Variants in RPH3AL observed in about 807,000 individuals in gnomAD.
RPH3AL encodes the protein rab effector Noc2.
In RPH3AL, 38 loss-of-function variants were observed where a neutral mutation model predicts 43.1. That is an observed-to-expected ratio of 0.88 (90% CI 0.68 to 1.15). RPH3AL has a LOEUF of 1.15. RPH3AL is among the 50% of genes most tolerant of loss of function. The pLI is 0.00. For missense variants in RPH3AL, 462 were observed against 423.2 expected (o/e 1.09, Z -0.81); for synonymous variants, 189 against 176.3 (o/e 1.07, Z -0.57).
At chr17:314,734 T>TGC (rs2043845930) in intron 5 of RPH3AL, among the ~76,000 whole-genome samples, 1 of 143,890 alleles carries the variant, frequency 6.9e-6, no homozygotes. Flanking sequence ...TGACCTGTAG[T>TGC]CTCTGTGCTC....
At chr17:329,302 G>A (rs1244649114) in intron 2 of RPH3AL, among the ~76,000 whole-genome samples, 4 of 152,122 alleles carry the variant, frequency 2.6e-5, no homozygotes, top group South Asian at 2.1e-4. Context: ...GTGAAACCCC[G>A]CCTCTACTAA....
At chr17:219,771 C>T (rs761575041) in intron 7 of RPH3AL, 35 bp from the exon 8 acceptor site, 33 of 1,509,500 alleles carry the variant, frequency 2.2e-5, no homozygotes, top group South Asian at 1.8e-4. Context: ...GGAGGTCACC[C>T]GACCAGCCCC....
At chr17:315,781 T>A in intron 5 of RPH3AL, among the ~76,000 whole-genome samples, 1 of 80,158 alleles carries the variant, frequency 1.2e-5, no homozygotes, top group East Asian at 4.4e-4. Context: ...CGTGACCCCA[T>A]CTCTATTGAC....
chr17:225,357 G>A lies in RPH3AL; in HGVS notation c.614-5621C>T, dbSNP rs2041085018. 6.6e-6 allele frequency among the ~76,000 whole-genome samples: 1 copy of A among 152,152 alleles called. No individual in the cohort carries two copies. The highest frequency in any genetic ancestry group is 1.5e-5 in the Non-Finnish European group (1 of 68,020). ...TGCCTTATTTTGCAGTTGTTTTTCG[G>A]GTCCTGGACTGAGCTGCTTTGATCA... On this transcript the variant is annotated intron_variant, in intron 7 of 9. Coordinates refer to ENST00000331302, the MANE Select transcript of RPH3AL (RefSeq NM_006987.4). The surrounding 1 kb of genome is among the most constrained non-coding windows in gnomAD (Gnocchi z 4.4).
At chr17:214,190 C>A (rs955700202) in intron 9 of RPH3AL, among the ~76,000 whole-genome samples, 2 of 152,212 alleles carry the variant, frequency 1.3e-5, no homozygotes, top group African/African-American at 2.4e-5. Context: ...CCGGAAGGAG[C>A]AAATGGGCAC....
At chr17:286,846 C>T (rs1366233108) in intron 5 of RPH3AL, among the ~76,000 whole-genome samples, 1 of 152,132 alleles carries the variant, frequency 6.6e-6, no homozygotes, top group Non-Finnish European at 1.5e-5. Flanking sequence ...GGGTGTTAAA[C>T]GATGAAGCTT....
chr17:227,318 G>T (rs1274943424), intron 7 of RPH3AL, among the ~76,000 whole-genome samples: 1 of 148,920 alleles, frequency 6.7e-6, no homozygotes, highest in Non-Finnish European at 1.5e-5. Flanking sequence ...GCAGGGTTTT[G>T]GTACACGGAG....
At chr17:315,837 C>A (rs1555519010) in intron 5 of RPH3AL, among the ~76,000 whole-genome samples, 1 of 74,968 alleles carries the variant, frequency 1.3e-5, no homozygotes, top group African/African-American at 4.4e-5. Flanking sequence ...GTCCCTGTGC[C>A]CCCACCTCCA....
intron 5 of RPH3AL, among the ~76,000 whole-genome samples, chr17:296,810 TG>T (rs2043191750): frequency 6.6e-6 from 1 of 152,200 alleles, no homozygotes; most frequent in African/African-American, 2.4e-5. Flanking sequence ...AAAGGGAGCC[TG>T]GGTTTTGAAA....
At chr17:265,940 G>A (rs1357024086) in intron 6 of RPH3AL, among the ~76,000 whole-genome samples, 1 of 152,198 alleles carries the variant, frequency 6.6e-6, no homozygotes, top group African/African-American at 2.4e-5. Context: ...CTCCGCTCAC[G>A]GCGGATGTTC....
intron 8 of RPH3AL, among the ~76,000 whole-genome samples, chr17:219,192 C>CTTTTT (rs796389217): frequency 0.027 from 1,569 of 57,998 alleles, 169 homozygotes; most frequent in African/African-American, 0.037. Flanking sequence ...ATAAACAGCA[C>CTTTTT]TTTTTTTTTT....
chr17:283,348 G>C lies in RPH3AL; in HGVS notation c.352-1494C>G, dbSNP rs1253100740. Among the ~76,000 whole-genome samples, 1 of 152,164 alleles carries C rather than the reference G, an allele frequency of 6.6e-6. No homozygotes were observed. ...TGGCCGAGCTCAGTGCCCCTGGGGT[G>C]GGGGAGCAAACTCACGGGGGACGGA... On this transcript the variant is annotated intron_variant, in intron 5 of 9. Coordinates refer to ENST00000331302, the MANE Select transcript of RPH3AL (RefSeq NM_006987.4). The surrounding 1 kb of genome is among the most constrained non-coding windows in gnomAD (Gnocchi z 4.2).
At chr17:219,358 C>T (rs1303984590) in intron 8 of RPH3AL, among the ~76,000 whole-genome samples, 3 of 151,140 alleles carry the variant, frequency 2.0e-5, no homozygotes, top group African/African-American at 7.3e-5. Context: ...GCCACCACAC[C>T]CAGCTAATTT....
At chr17:269,099 C>T (rs8074384) in intron 6 of RPH3AL, among the ~76,000 whole-genome samples, 129,708 of 152,124 alleles carry the variant, frequency 0.85, 56,263 homozygotes, top group Non-Finnish European at 0.94. Flanking sequence ...AGGATGGTCT[C>T]GATCTCCTGA....
intron 6 of RPH3AL, 95 bp downstream of exon 6, chr17:281,672 AG>A: frequency 4.4e-6 from 1 of 227,358 alleles, no homozygotes; most frequent in Non-Finnish European, 8.7e-6. Context: ...CAGCCCGCCC[AG>A]CCCTCCCCAC....
At chr17:253,427 A>G (rs965833529) in intron 6 of RPH3AL, among the ~76,000 whole-genome samples, 5 of 152,196 alleles carry the variant, frequency 3.3e-5, no homozygotes, top group Non-Finnish European at 5.9e-5. Context: ...GTGAGTCCTC[A>G]GCTCATGGAC....
intron 6 of RPH3AL, among the ~76,000 whole-genome samples, chr17:275,564 G>A (rs916030155): frequency 1.3e-5 from 2 of 152,114 alleles, no homozygotes; most frequent in African/African-American, 4.8e-5. Flanking sequence ...AAGTGTTTCT[G>A]AGTACAGTTT....
chr17:274,742 G>A lies in RPH3AL; in HGVS notation c.438+7026C>T, dbSNP rs982776814. On this transcript the variant is annotated intron_variant, in intron 6 of 9. Coordinates refer to ENST00000331302, the MANE Select transcript of RPH3AL (RefSeq NM_006987.4). The surrounding 1 kb of genome is among the most constrained non-coding windows in gnomAD (Gnocchi z 4.7). ...AGGAGACGCCTTGGAGTCAATCCTG[G>A]GTCTGCGGGGCTTAGGCTGCTGCAG... Among the ~76,000 whole-genome samples, 1 of 152,146 alleles carries A rather than the reference G, an allele frequency of 6.6e-6. No individual in the cohort carries two copies. The highest frequency in any genetic ancestry group is 2.4e-5 in the African/African-American group (1 of 41,426).
rs970041561 is a variant in RPH3AL, at chr17:290,724, C to T, written c.352-8870G>A. Among the ~76,000 whole-genome samples, 2 of 152,168 alleles carry T rather than the reference C, an allele frequency of 1.3e-5. No individual in the cohort carries two copies. The highest frequency in any genetic ancestry group is 1.9e-4 in the East Asian group (1 of 5,190). On this transcript the variant is annotated intron_variant, in intron 5 of 9. Transcript: ENST00000331302. This position sits in a 1 kb window ranked among gnomAD's most constrained non-coding sequence, Gnocchi z 4.2. ...ATGATGAGGAATTCCACCACGCTCC[C>T]GCAGATCAGAAGACGGGAAGGGGCT...
Sources: allele counts gnomAD v4.1 joint callset (sites outside exome capture counted in the v4.1 genomes callset), GRCh38; gene constraint gnomAD v4.1.1; non-coding constraint Gnocchi (gnomAD v3.1); transcripts MANE v1.5; gene names NCBI Gene and HGNC (gene_info 2026-07-23, HGNC 2026-07-21).